NOCT: variants seen among roughly 807,000 people sequenced by gnomAD.
NOCT encodes the protein CCR4 carbon catabolite repression 4-like.
A neutral mutation model predicts 35.0 loss-of-function variants in NOCT; 18 were observed. That is an observed-to-expected ratio of 0.51 (90% CI 0.36 to 0.76). The LOEUF (loss-of-function observed/expected upper bound fraction) is 0.76. Among genes scored for constraint, NOCT ranks in the 30% least tolerant of loss-of-function variants. The probability of loss-of-function intolerance (pLI) is 0.01; values close to 1 mark genes in which losing one functional copy is unlikely to be tolerated. For synonymous variants in NOCT, 235 were observed against 226.3 expected, an observed-to-expected ratio of 1.04 and a Z score of -0.34; for missense variants, 479 against 541.0, an observed-to-expected ratio of 0.89 and a Z score of 1.14.
intron 1 of NOCT, among the ~76,000 whole-genome samples, chr4:139,026,224 C>A (rs749321260): frequency 3.3e-5 from 5 of 152,126 alleles, no homozygotes; most frequent in Non-Finnish European, 5.9e-5. Context: ...GCCTTAGCCT[C>A]CCAAGTAGCA....
At chr4:139,018,841 G>A (rs1726361679) in intron 1 of NOCT, among the ~76,000 whole-genome samples, 1 of 152,210 alleles carries the variant, frequency 6.6e-6, no homozygotes, top group South Asian at 2.1e-4. Context: ...TGGGCTTCTA[G>A]AAATGGGTGG....
At chr4:139,031,619 G>A (rs1726626295) in intron 1 of NOCT, among the ~76,000 whole-genome samples, 1 of 152,156 alleles carries the variant, frequency 6.6e-6, no homozygotes, top group South Asian at 2.1e-4. Context: ...CTTGAATTGT[G>A]ATCTGCCTAG....
chr4:139,029,251 A>G (rs1726580538), intron 1 of NOCT, among the ~76,000 whole-genome samples: 1 of 152,236 alleles, frequency 6.6e-6, no homozygotes, highest in Admixed American at 6.5e-5. Context: ...TTGTTTAACT[A>G]AATTAATCCT....
chr4:139,016,008 C>T lies in NOCT; in HGVS notation c.27C>T (p.Cys9=). 7.2e-7 allele frequency: 1 copy of T among 1,395,228 alleles called. No homozygotes were observed. The highest frequency in any genetic ancestry group is 3.0e-5 in the Admixed American group (1 of 33,114). 86.4% of individuals were successfully genotyped at this position (1,395,228 alleles called of 1,614,324 possible). Residue 9 remains cysteine, a synonymous_variant, in exon 1 of 3, where the codon TGC becomes TGT. Coordinates refer to ENST00000280614, the MANE Select transcript of NOCT (RefSeq NM_012118.4). ...TGTTTCATAGTCCGCGGCGGCTCTG[C>T]TCGGCCCTGCTGCAGAGGGACGCGC... MFHSPRRL[C]SALLQRDAPG...
In NOCT at chr4:139,044,727, C is replaced by G; in HGVS notation, c.549C>G (p.Ile183Met). The G allele has an allele frequency of 6.2e-7, 1 of 1,614,174 alleles. No individual in the cohort carries two copies. Among genetic ancestry groups the G allele is most frequent in the South Asian group, 1.1e-5 (1 of 91,084 alleles). The change falls in exon 3 of 3, where the codon ATC (isoleucine) becomes ATG (methionine). Residue 183 changes from isoleucine to methionine, a missense_variant. Around this residue, in one of 2 missense-constraint regions of NOCT, gnomAD observed 265 missense variants for 257.0 expected, o/e 1.03. Coordinates refer to ENST00000280614, the MANE Select transcript of NOCT (RefSeq NM_012118.4). ...GGAAATGTCTCATCCTGGAAGAAAT[C>G]CTGGCCTACCAGCCTGATATATTGT... is the stretch of plus-strand genomic sequence containing the variant. The part of the protein sequence containing the change: ...EERKCLILEE[I>M]LAYQPDILCL...
intron 1 of NOCT, among the ~76,000 whole-genome samples, chr4:139,019,423 G>C (rs1468131331): frequency 6.6e-6 from 1 of 152,176 alleles, no homozygotes; most frequent in Non-Finnish European, 1.5e-5. Context: ...AGTCATTCAT[G>C]ATGGGCCCTG....
intron 1 of NOCT, among the ~76,000 whole-genome samples, chr4:139,023,745 G>T (rs1320861201): frequency 6.6e-6 from 1 of 152,052 alleles, no homozygotes; most frequent in Non-Finnish European, 1.5e-5. Context: ...TGATACACCC[G>T]CCTCGGCCTC....
chr4:139,029,040 T>A (rs1044418369), intron 1 of NOCT, among the ~76,000 whole-genome samples: 4 of 152,042 alleles, frequency 2.6e-5, no homozygotes, highest in African/African-American at 9.7e-5. Flanking sequence ...GGTTTCACCA[T>A]GTTGGTCAGG....
In NOCT at chr4:139,022,994, G is replaced by A. The variant is rs149347518; in HGVS notation, c.190+6823G>A. On this transcript the variant is annotated intron_variant, in intron 1 of 2. Transcript: ENST00000280614. Reference sequence around the variant, plus strand: ...TGTGTGCCTGTAATCCCAGCTATTCGGGAGGCTGAGGCAGGAGAATTGCTT... The same window carrying A: ...TGTGTGCCTGTAATCCCAGCTATTCAGGAGGCTGAGGCAGGAGAATTGCTT... 5.1e-3 allele frequency among the ~76,000 whole-genome samples: 781 copies of A among 152,072 alleles called. 11 individuals carry two copies. Among genetic ancestry groups the A allele is most frequent in the African/African-American group, 0.018 (747 of 41,476 alleles).
chr4:139,034,686 C>T (rs1726698084), intron 1 of NOCT, among the ~76,000 whole-genome samples: 1 of 151,996 alleles, frequency 6.6e-6, no homozygotes, highest in Non-Finnish European at 1.5e-5. Flanking sequence ...ATCCTCCCTC[C>T]TCAGCCCCTC....
At chr4:139,017,604 T>G (rs954545486) in intron 1 of NOCT, among the ~76,000 whole-genome samples, 3 of 147,218 alleles carry the variant, frequency 2.0e-5, no homozygotes, top group Middle Eastern at 3.4e-3. Flanking sequence ...CGGAGGCGGG[T>G]AGATCACCCG....
chr4:139,033,075 G>GT (rs1726657826), intron 1 of NOCT, among the ~76,000 whole-genome samples: 1 of 149,844 alleles, frequency 6.7e-6, no homozygotes, highest in Non-Finnish European at 1.5e-5. Flanking sequence ...CAAAAAAAAA[G>GT]TAAGTGTGGC....
Position 139,035,117 on chromosome 4 carries a change from G to A in NOCT, c.191-7957G>A, listed in dbSNP as rs531643564. ...CTCCATCCTTCTGGTCGCTCAGCTG[G>A]AAACTGTGGACATTTTTTTTTTAAA... On this transcript the variant is annotated intron_variant, in intron 1 of 2. Coordinates refer to ENST00000280614, the MANE Select transcript of NOCT (RefSeq NM_012118.4). Among the ~76,000 whole-genome samples, 12 of 152,106 alleles carry A rather than the reference G, an allele frequency of 7.9e-5. No individual in the cohort carries two copies. In the East Asian group the frequency reaches 2.3e-3, roughly 30 times the overall value.
chr4:139,019,936 A>G (rs531990789), intron 1 of NOCT, among the ~76,000 whole-genome samples: 1 of 152,336 alleles, frequency 6.6e-6, no homozygotes, highest in African/African-American at 2.4e-5. Context: ...TTTTCATGGT[A>G]CAATTTATAG....
chr4:139,043,681 C>T (rs1021109833), intron 2 of NOCT: 3 of 176,784 alleles, frequency 1.7e-5, no homozygotes, highest in East Asian at 1.5e-4. Flanking sequence ...TTTGGGAGGC[C>T]GAGGTGGGTG....
intron 1 of NOCT, among the ~76,000 whole-genome samples, chr4:139,019,195 A>G (rs1325033458): frequency 1.3e-5 from 2 of 152,096 alleles, no homozygotes; most frequent in Admixed American, 1.3e-4. Flanking sequence ...AGCTGTGACT[A>G]CAGGCACACG....
intron 1 of NOCT, among the ~76,000 whole-genome samples, chr4:139,027,406 A>G (rs1340432903): frequency 6.6e-6 from 1 of 152,156 alleles, no homozygotes; most frequent in Non-Finnish European, 1.5e-5. Flanking sequence ...CCAGCTAGTA[A>G]ATATTTTAGG....
At chr4:139,041,975 G>GT (rs1425040559) in intron 1 of NOCT, among the ~76,000 whole-genome samples, 1 of 151,748 alleles carries the variant, frequency 6.6e-6, no homozygotes. Flanking sequence ...GATGACCAGC[G>GT]TAGCAAGCAG....
intron 1 of NOCT, among the ~76,000 whole-genome samples, chr4:139,042,202 G>A (rs1347086594): frequency 5.3e-5 from 8 of 150,516 alleles, no homozygotes; most frequent in African/African-American, 9.8e-5. Context: ...TGAGTAGCTG[G>A]GATTACAGGC....
Sources: allele counts gnomAD v4.1 joint callset (sites outside exome capture counted in the v4.1 genomes callset), GRCh38; gene constraint gnomAD v4.1.1; regional missense constraint gnomAD v4.1.1; transcripts MANE v1.5; gene names NCBI Gene and HGNC (gene_info 2026-07-23, HGNC 2026-07-21).